Variants in AGMO observed in about 807,000 individuals in gnomAD.
AGMO encodes the protein alkylglycerol monooxygenase, also known as glyceryl-ether monooxygenase.
AGMO carries 75 observed loss-of-function variants against 60.2 expected under a neutral mutation model. The observed-to-expected ratio is 1.25, with a 90% CI of 1.03 to 1.51. AGMO has a LOEUF of 1.51. AGMO is among the 40% of genes most tolerant of loss of function. AGMO has a pLI of 0.00. For missense variants in AGMO, 763 were observed against 525.5 expected, an observed-to-expected ratio of 1.45 and a Z score of -4.42; for synonymous variants, 261 against 177.1, an observed-to-expected ratio of 1.47 and a Z score of -3.76.
chr7:15,522,874 C>A (rs1195178515), intron 3 of AGMO, among the ~76,000 whole-genome samples: 1 of 152,122 alleles, frequency 6.6e-6, no homozygotes, highest in Non-Finnish European at 1.5e-5. Context: ...AGAGCTTCTG[C>A]ACAGCAAAAG....
chr7:15,509,194 T>C (rs1424473816), intron 3 of AGMO, among the ~76,000 whole-genome samples: 1 of 152,096 alleles, frequency 6.6e-6, no homozygotes, highest in Non-Finnish European at 1.5e-5. Context: ...GAAAAGGAAA[T>C]GTTACACTAT....
intron 10 of AGMO, among the ~76,000 whole-genome samples, chr7:15,380,584 G>T (rs1258065659): frequency 1.3e-5 from 2 of 152,044 alleles, no homozygotes; most frequent in African/African-American, 4.8e-5. Flanking sequence ...TGGCCATATT[G>T]CTCAAAGCAA....
At chr7:15,237,160 C>G (rs1349233271) in intron 12 of AGMO, among the ~76,000 whole-genome samples, 2 of 152,044 alleles carry the variant, frequency 1.3e-5, no homozygotes, top group African/African-American at 4.8e-5. Context: ...ATATTCACAC[C>G]AGACAGTAGA....
At position 15,390,905 on chromosome 7, in the gene AGMO, C is replaced by G; in HGVS notation, c.677G>C (p.Gly226Ala). The change falls in exon 7 of 13, where the codon GGC becomes GCC. Residue 226 changes from glycine to alanine, a missense_variant and splice_region_variant. Physicochemically the swap from Gly to Ala is moderately conservative, Grantham distance 60 (BLOSUM62 0). Coordinates refer to ENST00000342526, the MANE Select transcript of AGMO (RefSeq NM_001004320.2). ...TTTGTCTATGCAATAACGATTTCTG[C>G]CTATGAGACAAAATATTAGAAATTT... ...NTPSHHRVHH[G>A]RNRYCIDKNY... is the part of the protein sequence containing the mutation. The G allele has an allele frequency of 6.3e-7, 1 of 1,579,944 alleles. No individual in the cohort carries two copies.
chr7:15,367,904 C>T (rs1346907779), intron 10 of AGMO, among the ~76,000 whole-genome samples: 1 of 152,068 alleles, frequency 6.6e-6, no homozygotes, highest in African/African-American at 2.4e-5. Flanking sequence ...ACTTGCAACT[C>T]AACTGCATCT....
rs141187281 is a variant in AGMO, at chr7:15,536,030, T to C, written c.409+8742A>G. On this transcript the variant is annotated intron_variant, in intron 3 of 12. Coordinates refer to ENST00000342526, the MANE Select transcript of AGMO (RefSeq NM_001004320.2). ...AATTAAATAATATAATATGCTGTGT[T>C]ATTAACACAAAACACTTAGTCTAGT... Among the ~76,000 whole-genome samples, 213 of 152,056 alleles carry C rather than the reference T, an allele frequency of 1.4e-3. 1 individual carries two copies. The highest frequency in any genetic ancestry group is 2.7e-3 in the Non-Finnish European group (182 of 67,844).
intron 12 of AGMO, among the ~76,000 whole-genome samples, chr7:15,317,706 G>C (rs1780968504): frequency 1.3e-5 from 2 of 151,982 alleles, no homozygotes; most frequent in Admixed American, 6.6e-5. Context: ...AGATTCAGAA[G>C]TGATTTAATT....
intron 3 of AGMO, among the ~76,000 whole-genome samples, chr7:15,478,624 T>C (rs1010323504): frequency 2.0e-5 from 3 of 152,112 alleles, no homozygotes; most frequent in Non-Finnish European, 2.9e-5. Flanking sequence ...TGGAATTTGC[T>C]GAACTGAATA....
rs1436614045 is a variant in AGMO, at chr7:15,354,500, A to G, written c.1263+11014T>C. Among the ~76,000 whole-genome samples, 75 of 15,704 alleles carry G rather than the reference A, an allele frequency of 4.8e-3. 2 individuals carry two copies. The highest frequency in any genetic ancestry group is 0.016 in the South Asian group (6 of 380). 10.3% of individuals were successfully genotyped at this position (15,704 alleles called of 152,430 possible). A position where few individuals can be genotyped will look rare whatever the true frequency, so the allele number is the denominator to read the frequency against. On this transcript the variant is annotated intron_variant, in intron 12 of 12. Coordinates refer to ENST00000342526, the MANE Select transcript of AGMO (RefSeq NM_001004320.2). ...CACGTGTGTATATACACACGTGTATATATATATATATATATATATATATAT... is the reference window on the plus strand; with the variant it reads ...CACGTGTGTATATACACACGTGTATGTATATATATATATATATATATATAT...
chr7:15,302,818 C>G (rs908577251), intron 12 of AGMO, among the ~76,000 whole-genome samples: 1 of 152,054 alleles, frequency 6.6e-6, no homozygotes, highest in African/African-American at 2.4e-5. Context: ...GAGCAGTCAA[C>G]TAGAGTTAAG....
chr7:15,350,282 T>A (rs566084997), intron 12 of AGMO, among the ~76,000 whole-genome samples: 17 of 152,252 alleles, frequency 1.1e-4, no homozygotes, highest in Admixed American at 1.0e-3. Context: ...CAAATAAAAT[T>A]ATGTATAAAT....
chr7:15,436,564 G>C (rs1201718592), intron 3 of AGMO, among the ~76,000 whole-genome samples: 1 of 152,028 alleles, frequency 6.6e-6, no homozygotes, highest in Non-Finnish European at 1.5e-5. Context: ...TTCTGTAGGA[G>C]ACAAATAGTC....
chr7:15,130,288 C>T, the AGMO span, among the ~76,000 whole-genome samples: 1 of 151,556 alleles, frequency 6.6e-6, no homozygotes, highest in Non-Finnish European at 1.5e-5. Context: ...GTCTTTTAAT[C>T]TCTCACTTAC....
At chr7:15,315,527 G>T (rs191076962) in intron 12 of AGMO, among the ~76,000 whole-genome samples, 9 of 151,660 alleles carry the variant, frequency 5.9e-5, no homozygotes, top group African/African-American at 1.9e-4. Flanking sequence ...TAGTAGAGAC[G>T]GGGTTTCACC....
In AGMO at chr7:15,250,109, A is replaced by G. The variant is rs571838950; in HGVS notation, c.1264-48750T>C. Among the ~76,000 whole-genome samples, 74 of 152,288 alleles carry G rather than the reference A, an allele frequency of 4.9e-4. 1 individual carries two copies. The highest frequency in any genetic ancestry group is 1.7e-3 in the African/African-American group (70 of 41,568). On this transcript the variant is annotated intron_variant, in intron 12 of 12. Transcript: ENST00000342526. ...AACAATTTAATATAATTGTGCTGTT[A>G]TCACATTTTGTAAAATGATTAGCTA...
At chr7:15,225,889 C>T (rs979755289) in intron 12 of AGMO, among the ~76,000 whole-genome samples, 2 of 151,696 alleles carry the variant, frequency 1.3e-5, no homozygotes, top group Non-Finnish European at 2.9e-5. Context: ...ACATTTTTTT[C>T]ATAATTCTCT....
chr7:15,314,134 T>C (rs937936004), intron 12 of AGMO, among the ~76,000 whole-genome samples: 31 of 152,100 alleles, frequency 2.0e-4, no homozygotes, highest in African/African-American at 6.7e-4. Flanking sequence ...GTAGCATATA[T>C]AGCATGGATA....
At position 15,476,116 on chromosome 7, in the gene AGMO, G is replaced by A. The variant is rs185891570; in HGVS notation, c.410-45008C>T. Among the ~76,000 whole-genome samples, 14 of 152,210 alleles carry A rather than the reference G, an allele frequency of 9.2e-5. No homozygotes were observed. The East Asian group carries it at 2.7e-3, about 29-fold the overall frequency. Reference sequence around the variant, plus strand: ...GTGGAAGCTTATTGATAGATAATATGTACAAAGTGAGAATATATTTTGAAG... The same window carrying A: ...GTGGAAGCTTATTGATAGATAATATATACAAAGTGAGAATATATTTTGAAG... On this transcript the variant is annotated intron_variant, in intron 3 of 12. Coordinates refer to ENST00000342526, the MANE Select transcript of AGMO (RefSeq NM_001004320.2).
chr7:15,374,248 C>T (rs1278582811), intron 10 of AGMO, among the ~76,000 whole-genome samples: 2 of 151,978 alleles, frequency 1.3e-5, no homozygotes, highest in Non-Finnish European at 2.9e-5. Context: ...CCTACTTTTT[C>T]AGAACTCCCT....
Sources: gnomAD v4.1 joint callset for allele counts (sites outside exome capture counted in the v4.1 genomes callset) on GRCh38, gnomAD v4.1.1 for gene constraint, MANE v1.5 for transcripts, NCBI Gene and HGNC (gene_info 2026-07-23, HGNC 2026-07-21) for gene names.